The following DDOST variants were observed in gnomAD, a reference collection of about 807,000 sequenced individuals.
The protein encoded by DDOST is dolichyl-diphosphooligosaccharide--protein glycosyltransferase 48 kDa subunit.
Under a neutral mutation model 47.6 loss-of-function variants are expected in DDOST, and 25 were observed. The ratio of observed to expected loss-of-function variants is 0.53; its 90% CI spans 0.38 to 0.73. The LOEUF is 0.73. DDOST is among the 30% of genes least tolerant of loss of function. The probability of loss-of-function intolerance (pLI) is 0.00; values close to 1 mark genes in which losing one functional copy is unlikely to be tolerated. For synonymous variants in DDOST, 275 were observed against 236.0 expected, an observed-to-expected ratio of 1.17 and a Z score of -1.51; for missense variants, 526 against 573.9, an observed-to-expected ratio of 0.92 and a Z score of 0.85.
In DDOST at chr1:20,655,171, G is replaced by GTTTT. The variant is rs869053335; in HGVS notation, c.551+265_551+268dup. Among the ~76,000 whole-genome samples the GTTTT allele has an allele frequency of 2.0e-3, 153 of 77,146 alleles. 3 individuals carry two copies. The highest frequency in any genetic ancestry group is 8.8e-3 in the Middle Eastern group (1 of 114). 50.6% of individuals were successfully genotyped at this position (77,146 alleles called of 152,430 possible). ...CACTGCGCTCGGCCAACTTTTTTTTGTTTTTTTTTTTTTTTTTTTTTTTTA... is the reference window on the plus strand; with the variant it reads ...CACTGCGCTCGGCCAACTTTTTTTTGTTTTTTTTTTTTTTTTTTTTTTTTTTTTA... On this transcript the variant is annotated intron_variant, in intron 5 of 10. Transcript: ENST00000602624.
chr1:20,651,801 T>TTATTTTTATTTATTTATTTA lies in DDOST; in HGVS notation c.*577_*578insTAAATAAATAAATAAAAATA, dbSNP rs1553147200. 1 of 147,120 alleles carries TTATTTTTATTTATTTATTTA rather than the reference T, an allele frequency of 6.8e-6. No individual in the cohort carries two copies. The highest frequency in any genetic ancestry group is 6.8e-5 in the Admixed American group (1 of 14,738). The allele number at this position is 147,120 out of a possible 1,614,324, so 9.1% of individuals were successfully genotyped here. On this transcript the variant is annotated 3_prime_UTR_variant, in exon 11 of 11. Transcript: ENST00000602624. Reference sequence around the variant, plus strand: ...GTTTGAGGGCAACATCTCGCTTTATTTTTATTTATTTATTTATTTATTTAT... The same window carrying TTATTTTTATTTATTTATTTA: ...GTTTGAGGGCAACATCTCGCTTTATTTATTTTTATTTATTTATTTATTTATTTATTTATTTATTTATTTAT...
rs142441124 is a variant in DDOST, at chr1:20,652,478, C to T, written c.1221G>A (p.Ser407=). The change falls in exon 11 of 11, where the codon TCG becomes TCA. Residue 407 remains serine (S), a synonymous_variant. Transcript: ENST00000602624. ...AGGCGCTGGCGTAGTAGGGGTAGGC[C>T]GAGGGGATGAAGCGCTCATACTGCG... is the stretch of plus-strand genomic sequence containing the variant. The part of the protein sequence containing the change: ...QHTQYERFIP[S]AYPYYASAFS... 8.3e-5 allele frequency: 134 copies of T among 1,613,796 alleles called. No individual in the cohort carries two copies. In the Middle Eastern group the frequency reaches 1.8e-3, roughly 22 times the overall value.
At chr1:20,661,150 A>G (rs2053430057) in intron 1 of DDOST, 47 bp downstream of exon 1, 2 of 1,592,158 alleles carry the variant, frequency 1.3e-6, no homozygotes, top group Non-Finnish European at 1.7e-6. Context: ...TCGATGCTGT[A>G]CCAACCCCAG....
rs373591173 is a variant in DDOST, at chr1:20,656,367, C to T, written c.266-180G>A. On this transcript the variant is annotated intron_variant, in intron 2 of 10. Coordinates refer to ENST00000602624, the MANE Select transcript of DDOST (RefSeq NM_005216.5). ...ATCCCAGAACGGGCAAGGCCCCATC[C>T]TCGCAGCGTGAAGACTCAAAATTAT... Among the ~76,000 whole-genome samples, 7 of 152,234 alleles carry T rather than the reference C, an allele frequency of 4.6e-5. No homozygotes were observed. In the East Asian group the frequency reaches 1.3e-3, roughly 29 times the overall value.
In DDOST at chr1:20,654,623, A is replaced by C; in HGVS notation, c.636T>G (p.Pro212=). The C allele has an allele frequency of 6.4e-7, 1 of 1,562,250 alleles. No homozygotes were observed. The highest frequency in any genetic ancestry group is 1.4e-5 in the African/African-American group (1 of 73,730). ...GTTGTGAAGCCCTTACCTGGGTGAT[A>C]GGCTTGTCCGGGAAGAAGGAGTAAG... ...STSYSFFPDK[P]ITQYPHAVGK... is the part of the protein sequence containing the mutation. Residue 212 remains proline (P), a synonymous_variant, in exon 6 of 11, where the codon CCT becomes CCG. Coordinates refer to ENST00000602624, the MANE Select transcript of DDOST (RefSeq NM_005216.5).
rs1283441536 is a variant in DDOST, at chr1:20,655,184, T to G, written c.551+256A>C. Among the ~76,000 whole-genome samples, 434 of 150,148 alleles carry G rather than the reference T, an allele frequency of 2.9e-3. 3 individuals are homozygous for G. Among genetic ancestry groups the G allele is most frequent in the African/African-American group, 9.6e-3 (392 of 40,816 alleles). ...CAACTTTTTTTTGTTTTTTTTTTTT[T>G]TTTTTTTTTTTAAAGAGAGGAGTTC... On this transcript the variant is annotated intron_variant, in intron 5 of 10. Coordinates refer to ENST00000602624, the MANE Select transcript of DDOST (RefSeq NM_005216.5).
At chr1:20,658,056 C>T (rs1046728777) in intron 2 of DDOST, among the ~76,000 whole-genome samples, 3 of 152,332 alleles carry the variant, frequency 2.0e-5, no homozygotes, top group African/African-American at 7.2e-5. Context: ...CAGTCTGAAA[C>T]GTCAAGAATG....
chr1:20,656,756 T>C (rs2053378634), intron 2 of DDOST, among the ~76,000 whole-genome samples: 1 of 152,184 alleles, frequency 6.6e-6, no homozygotes, highest in African/African-American at 2.4e-5. Flanking sequence ...GTACACTGCT[T>C]TTTAAAAAGT....
Position 20,652,961 on chromosome 1 carries a change from A to C in DDOST, c.953T>G (p.Ile318Ser). The change falls in exon 9 of 11, where the codon ATC (isoleucine) becomes AGC (serine). Residue 318 changes from isoleucine to serine, a missense_variant. Ile to Ser is a moderately radical substitution (Grantham distance 142). Transcript: ENST00000602624. Reference sequence around the variant, plus strand: ...GCCATTTGAGAGCTGCTGGATCACGATGCTATACTCCTGAGATAAAAGGCC... The same window carrying C: ...GCCATTTGAGAGCTGCTGGATCACGCTGCTATACTCCTGAGATAAAAGGCC... ...YTVTDLVEYS[I>S]VIQQLSNGKW... The C allele has an allele frequency of 6.2e-7, 1 of 1,614,218 alleles. No individual in the cohort carries two copies. Among genetic ancestry groups the C allele is most frequent in the Non-Finnish European group, 8.5e-7 (1 of 1,180,042 alleles).
chr1:20,656,221 G>A (rs771368331), intron 2 of DDOST, 34 bp from the exon 3 acceptor site: 2 of 1,551,506 alleles, frequency 1.3e-6, no homozygotes, highest in Non-Finnish European at 1.8e-6. Flanking sequence ...TGACCCAGAG[G>A]TCTCCTCTCC....
intron 2 of DDOST, 90 bp from the exon 3 acceptor site, chr1:20,656,277 GC>G (rs2053372821): frequency 1.0e-6 from 1 of 995,800 alleles, no homozygotes; most frequent in South Asian, 1.3e-5. Flanking sequence ...GGGCAGAGCA[GC>G]CACGATCACT....
chr1:20,657,202 A>G (rs2053383907), intron 2 of DDOST, among the ~76,000 whole-genome samples: 1 of 152,228 alleles, frequency 6.6e-6, no homozygotes, highest in South Asian at 2.1e-4. Flanking sequence ...AGTGTGGCTT[A>G]GCTGGAGAGA....
At chr1:20,655,846 T>C (rs2053366743) in intron 3 of DDOST, 67 bp from the exon 4 acceptor site, 2 of 1,339,554 alleles carry the variant, frequency 1.5e-6, no homozygotes, top group South Asian at 2.3e-5. Flanking sequence ...TGTCCTTGGC[T>C]TCCTTGTGAC....
chr1:20,660,216 A>G (rs1274480733), intron 2 of DDOST, among the ~76,000 whole-genome samples: 6 of 152,256 alleles, frequency 3.9e-5, no homozygotes, highest in Non-Finnish European at 7.3e-5. Flanking sequence ...GCTGGGGAGC[A>G]TAAGAACAAA....
chr1:20,660,230 A>G (rs1018266802), intron 2 of DDOST, among the ~76,000 whole-genome samples: 5 of 152,198 alleles, frequency 3.3e-5, no homozygotes, highest in African/African-American at 1.2e-4. Flanking sequence ...GAACAAAATA[A>G]AGCAGGAGAC....
chr1:20,653,794 G>A lies in DDOST; in HGVS notation c.795-20C>T. 4 of 1,605,746 alleles carry A rather than the reference G, an allele frequency of 2.5e-6. No homozygotes were observed. The highest frequency in any genetic ancestry group is 3.4e-6 in the Non-Finnish European group (4 of 1,174,368). ...GAATACCTGCAGGAGGGAAACAGGA[G>A]CAGCTTGGGCACCAGAGCCACCTTT... On this transcript the variant is annotated intron_variant, in intron 7 of 10. Transcript: ENST00000602624.
In DDOST at chr1:20,661,222, A is replaced by G. The variant is rs1395505941; in HGVS notation, c.129T>C (p.His43=). The G allele has an allele frequency of 6.2e-7, 1 of 1,613,884 alleles. No individual in the cohort carries two copies. The highest frequency in any genetic ancestry group is 1.3e-5 in the African/African-American group (1 of 74,946). ...CCTTCAGGCTCCGGAAGAAAAGCGA[A>G]TGAGTCTCCCGCACGTTGAGGTTGT... ...LLDNLNVRET[H]SLFFRSLKDR... Residue 43 remains histidine, a synonymous_variant, in exon 1 of 11, where the codon CAT becomes CAC. Coordinates refer to ENST00000602624, the MANE Select transcript of DDOST (RefSeq NM_005216.5).
chr1:20,655,578 C>T, intron 4 of DDOST, 44 bp from the exon 5 acceptor site: 1 of 1,598,972 alleles, frequency 6.3e-7, no homozygotes, highest in Non-Finnish European at 8.6e-7. Context: ...GAAAAGGTTC[C>T]CCAAGCCAGG....
rs1444966626 is a variant in DDOST, at chr1:20,654,365, G to T, written c.652C>A (p.His218Asn). ...FPDKPITQYP[H>N]AVGKNTLLIA... ...AGGAGGGTGTTCTTCCCCACCGCATGTGGATACTGGGAACAAAACGAGGCT... is the reference window on the plus strand; with the variant it reads ...AGGAGGGTGTTCTTCCCCACCGCATTTGGATACTGGGAACAAAACGAGGCT... Residue 218 changes from histidine to asparagine, a missense_variant, in exon 7 of 11, where the codon CAT (histidine) becomes AAT (asparagine). Physicochemically the swap from His to Asn is moderately conservative, Grantham distance 68. Transcript: ENST00000602624. The T allele has an allele frequency of 1.9e-6, 3 of 1,559,284 alleles. No homozygotes were observed. The highest frequency in any genetic ancestry group is 2.6e-6 in the Non-Finnish European group (3 of 1,150,608).
Sources: allele counts gnomAD v4.1 joint callset (sites outside exome capture counted in the v4.1 genomes callset), GRCh38; gene constraint gnomAD v4.1.1; transcripts MANE v1.5; gene names NCBI Gene and HGNC (gene_info 2026-07-23, HGNC 2026-07-21).